ZNF433: variants seen among roughly 807,000 people sequenced by gnomAD.
The protein encoded by ZNF433 is zinc finger protein 433.
A neutral mutation model predicts 10.6 loss-of-function variants in ZNF433; 12 were observed. The observed-to-expected ratio is 1.13, with a 90% CI of 0.72 to 1.83. ZNF433 has a LOEUF of 1.83. ZNF433 is among the 40% of genes most tolerant of loss of function. The pLI is 0.00. For synonymous variants in ZNF433, 272 were observed against 271.3 expected (o/e 1.00, Z -0.02); for missense variants, 737 against 798.0 (o/e 0.92, Z 0.92).
At chr19:12,035,440 G>A (rs1421606265) in intron 1 of ZNF433, 97 bp downstream of exon 1, 9 of 1,508,804 alleles carry the variant, frequency 6.0e-6, no homozygotes, top group Non-Finnish European at 8.1e-6. Flanking sequence ...CCAGACCCCG[G>A]AGTCGCCGCG....
chr19:12,029,506 A>G lies in ZNF433; in HGVS notation c.3+6031T>C, dbSNP rs61707946. Reference sequence around the variant, plus strand: ...CACTGCACTCCAGCCTCGGTGACAGAGCAAGACTCTGTCTCAAAAAAAAAA... The same window carrying G: ...CACTGCACTCCAGCCTCGGTGACAGGGCAAGACTCTGTCTCAAAAAAAAAA... On this transcript the variant is annotated intron_variant, in intron 1 of 3. Coordinates refer to ENST00000550507, the MANE Select transcript of ZNF433 (RefSeq NM_001308348.2). 7.2e-3 allele frequency among the ~76,000 whole-genome samples: 902 copies of G among 125,248 alleles called. 6 individuals are homozygous for G. Among genetic ancestry groups the G allele is most frequent in the African/African-American group, 0.027 (869 of 32,644 alleles). The allele number at this position is 125,248 out of a possible 152,430, so 82.2% of individuals were successfully genotyped here.
In ZNF433 at chr19:12,014,908, T is replaced by C; in HGVS notation, c.1950A>G (p.Lys650=). 6.2e-7 allele frequency: 1 copy of C among 1,613,646 alleles called. No individual in the cohort carries two copies. Residue 650 remains lysine, a synonymous_variant, in exon 4 of 4, where the codon AAA becomes AAG. Coordinates refer to ENST00000550507, the MANE Select transcript of ZNF433 (RefSeq NM_001308348.2). ...EKPYKCNQCG[K]VFRCSSQLQV... is the part of the protein sequence containing the mutation. ...GAAGTTGTGAAGAACATCTAAAGAC[T>C]TTACCACATTGGTTACATTTATAGG... is the stretch of plus-strand genomic sequence containing the variant.
rs1974179719 is a variant in ZNF433 at position 12,016,107 on chromosome 19, A to G, written c.751T>C (p.Tyr251His). The G allele has an allele frequency of 6.2e-7, 1 of 1,614,040 alleles. No individual in the cohort carries two copies. The highest frequency in any genetic ancestry group is 1.7e-5 in the Admixed American group (1 of 59,994). Residue 251 changes from tyrosine (Y) to histidine (H), a missense_variant, in exon 4 of 4, where the codon TAT becomes CAT. Tyr to His is a moderately conservative substitution (Grantham distance 83). Coordinates refer to ENST00000550507, the MANE Select transcript of ZNF433 (RefSeq NM_001308348.2). ...GCTTTCCCACATTCATTACATTTAT[A>G]AGGCTTCTCCCCAGTGTGAGTTCTT... ...HERTHTGEKP[Y>H]KCNECGKAFH... is the part of the protein sequence containing the mutation.
rs1974074771 is a variant in ZNF433, at chr19:12,014,854, G to A, written c.2004C>T (p.Asp668=). 2 of 1,573,580 alleles carry A rather than the reference G, an allele frequency of 1.3e-6. No individual in the cohort carries two copies. The highest frequency in any genetic ancestry group is 1.2e-5 in the South Asian group (1 of 84,424). ...CTCCTAAAGCCTGGGGTTATGGGGT[G>A]TCTATGCAGTGAGCCCTTCCATGCA... is the stretch of plus-strand genomic sequence containing the variant. ...LQVHGRAHCI[D]TP is the part of the protein sequence containing the mutation. The change falls in exon 4 of 4, where the codon GAC becomes GAT. Residue 668 remains aspartate (D), a synonymous_variant. Transcript: ENST00000550507.
chr19:12,034,846 G>A (rs1975203618), intron 1 of ZNF433: 1 of 454,004 alleles, frequency 2.2e-6, no homozygotes, highest in African/African-American at 2.0e-5. Context: ...AGGCATTGAT[G>A]CATGATTCTC....
rs114442184 is a variant in ZNF433 at position 12,021,959 on chromosome 19, C to A, written c.4-3667G>T. On this transcript the variant is annotated intron_variant, in intron 1 of 3. Transcript: ENST00000550507. The stretch of plus-strand genomic sequence containing the variant: ...TGCAGTGATGATGCAGGATGCCTGG[C>A]GGTACTGGCTGCCAATTCAACCGTC... The A allele has an allele frequency of 8.8e-6, 4 of 456,834 alleles. No homozygotes were observed. The East Asian group carries it at 2.1e-4, about 24-fold the overall frequency. 28.3% of individuals were successfully genotyped at this position (456,834 alleles called of 1,614,324 possible).
Position 12,016,509 on chromosome 19 carries a change from T to C in ZNF433, c.349A>G (p.Asn117Asp). ...CCAGTGTCATCTCTGATGTGCCTAT[T>C]AAGAGATGAATGAGCACTGCCTACT... The part of the protein sequence containing the change: ...GEVGSAHSSL[N>D]RHIRDDTGHK... The change falls in exon 4 of 4, where the codon AAT becomes GAT. Residue 117 changes from asparagine to aspartate, a missense_variant. Asn to Asp is a conservative substitution (Grantham distance 23). Transcript: ENST00000550507. The C allele has an allele frequency of 6.2e-7, 1 of 1,614,162 alleles. No homozygotes were observed. The highest frequency in any genetic ancestry group is 2.2e-5 in the East Asian group (1 of 44,880).
rs1974290685 is a variant in ZNF433, at chr19:12,017,918, T to C, written c.149A>G (p.Gln50Arg). The change falls in exon 3 of 4, where the codon CAG (glutamine) becomes CGG (arginine). Residue 50 changes from glutamine (Q) to arginine (R), a missense_variant. Transcript: ENST00000550507. ...ATTTTCGTACTCTACATATATGTTC[T>C]GGGGTTTCCATTTTTTCCCTACAAC... ...LASIGKKWKP[Q>R]NIYVEYENLR... 1 of 1,589,224 alleles carries C rather than the reference T, an allele frequency of 6.3e-7. No individual in the cohort carries two copies. The highest frequency in any genetic ancestry group is 8.5e-7 in the Non-Finnish European group (1 of 1,172,974).
In ZNF433 at chr19:12,015,668, C is replaced by T; in HGVS notation, c.1190G>A (p.Gly397Asp). ...GGAACTGGAAGAATTAAAGGCTTTA[C>T]CACATTGGTTGCATTTATAGGGTTT... is the stretch of plus-strand genomic sequence containing the variant. ...GEKPYKCNQC[G>D]KAFNSSSSFR... The change falls in exon 4 of 4, where the codon GGT becomes GAT. Residue 397 changes from glycine to aspartate, a missense_variant. Physicochemically the swap from Gly to Asp is moderately conservative, Grantham distance 94 (BLOSUM62 -1). Transcript: ENST00000550507. 1 of 1,613,870 alleles carries T rather than the reference C, an allele frequency of 6.2e-7. No homozygotes were observed. Among genetic ancestry groups the T allele is most frequent in the Non-Finnish European group, 8.5e-7 (1 of 1,179,966 alleles).
chr19:12,026,684 G>GA (rs1195570089), intron 1 of ZNF433: 6 of 453,972 alleles, frequency 1.3e-5, no homozygotes, highest in South Asian at 6.2e-5. Flanking sequence ...GACCTGGTCA[G>GA]AAAAAATGAA....
chr19:12,030,063 C>A lies in ZNF433; in HGVS notation c.3+5474G>T. The stretch of plus-strand genomic sequence containing the variant: ...CACCACTGCACTCCAGCCTGGGTGA[C>A]AGAGCAAGACTCCATCTCAAAAAAA... On this transcript the variant is annotated intron_variant, in intron 1 of 3. Coordinates refer to ENST00000550507, the MANE Select transcript of ZNF433 (RefSeq NM_001308348.2). The A allele has an allele frequency of 8.2e-5, 24 of 293,616 alleles. 1 individual carries two copies. The highest frequency in any genetic ancestry group is 5.4e-4 in the South Asian group (23 of 42,668). The allele number at this position is 293,616 out of a possible 1,614,324, so 18.2% of individuals were successfully genotyped here.
At chr19:12,030,106 A>G (rs915607687) in intron 1 of ZNF433, 3 of 363,084 alleles carry the variant, frequency 8.3e-6, no homozygotes, top group Admixed American at 3.9e-5. Context: ...AAAAAAAAAA[A>G]TAGCCATCTG....
rs1243062808 is a variant in ZNF433, at chr19:12,025,798, T to A, written c.4-7506A>T. The stretch of plus-strand genomic sequence containing the variant: ...GCAGTGATGGGCATTCCAGCTTCTA[T>A]TAAAACAGATAATGCCCCAGGCTAT... On this transcript the variant is annotated intron_variant, in intron 1 of 3. Coordinates refer to ENST00000550507, the MANE Select transcript of ZNF433 (RefSeq NM_001308348.2). The A allele has an allele frequency of 2.0e-5, 3 of 152,220 alleles. No homozygotes were observed. In the East Asian group the frequency reaches 5.8e-4, roughly 29 times the overall value. 9.4% of individuals were successfully genotyped at this position (152,220 alleles called of 1,614,324 possible). A position where few individuals can be genotyped will look rare whatever the true frequency, so the allele number is the denominator to read the frequency against.
Position 12,016,661 on chromosome 19 carries a change from A to G in ZNF433, c.197T>C (p.Val66Ala), listed in dbSNP as rs747712373. ...YENLRRNLRI[V>A]GERLFESKEG... ...TTTACTTTCAAAGAGTCTCTCTCCC[A>G]CAATTCTGTGAACAATAAGAAGTAC... The change falls in exon 4 of 4, where the codon GTG becomes GCG. Residue 66 changes from valine to alanine, a missense_variant. By Grantham distance (64) the Val-to-Ala change is moderately conservative. Transcript: ENST00000550507. 3 of 1,613,044 alleles carry G rather than the reference A, an allele frequency of 1.9e-6. No individual in the cohort carries two copies. In the African/African-American group the frequency reaches 4.0e-5, roughly 22 times the overall value.
intron 1 of ZNF433, chr19:12,027,864 G>A (rs1207257463): frequency 1.3e-5 from 2 of 152,096 alleles, no homozygotes; most frequent in African/African-American, 4.8e-5. Flanking sequence ...TATAGAATTT[G>A]CATGTCTTTC....
intron 1 of ZNF433, among the ~76,000 whole-genome samples, chr19:12,030,832 A>G (rs1294505685): frequency 6.6e-6 from 1 of 152,230 alleles, no homozygotes; most frequent in Non-Finnish European, 1.5e-5. Flanking sequence ...TAATCCCAGC[A>G]CTTTTGGAGG....
intron 1 of ZNF433, among the ~76,000 whole-genome samples, chr19:12,030,368 G>A (rs750088555): frequency 9.9e-5 from 15 of 151,950 alleles, no homozygotes; most frequent in African/African-American, 2.2e-4. Context: ...CTACAGGTGC[G>A]CATCACCAAG....
At position 12,015,756 on chromosome 19, in the gene ZNF433, A is replaced by G. The variant is rs568599045; in HGVS notation, c.1102T>C (p.Cys368Arg). ...TGEISHKCKICGKAFYSPSSL... is the reference protein window; with the variant it reads ...TGEISHKCKIRGKAFYSPSSL... ...CTGGGAGAATAAAAGGCTTTCCCAC[A>G]TATCTTACATTTATGAGATATCTCT... Residue 368 changes from cysteine to arginine, a missense_variant, in exon 4 of 4, where the codon TGT (cysteine) becomes CGT (arginine). Physicochemically the swap from Cys to Arg is radical, Grantham distance 180. Coordinates refer to ENST00000550507, the MANE Select transcript of ZNF433 (RefSeq NM_001308348.2). 27 of 1,613,876 alleles carry G rather than the reference A, an allele frequency of 1.7e-5. No homozygotes were observed. The highest frequency in any genetic ancestry group is 1.2e-4 in the South Asian group (11 of 90,982).
At chr19:12,020,655 G>A (rs1237943478) in intron 1 of ZNF433, among the ~76,000 whole-genome samples, 2 of 152,026 alleles carry the variant, frequency 1.3e-5, no homozygotes, top group Middle Eastern at 6.8e-3. Flanking sequence ...GGTGGCTCAC[G>A]CCTGTAATCC....
Sources: allele counts gnomAD v4.1 joint callset (sites outside exome capture counted in the v4.1 genomes callset), GRCh38; gene constraint gnomAD v4.1.1; transcripts MANE v1.5; gene names NCBI Gene and HGNC (gene_info 2026-07-23, HGNC 2026-07-21).